RAB25: variants seen among roughly 807,000 people sequenced by gnomAD.
RAB25 encodes the protein RAB25, member RAS oncogene family.
A neutral mutation model predicts 25.2 loss-of-function variants in RAB25; 23 were observed. That is an observed-to-expected ratio of 0.91 (90% CI 0.66 to 1.29). RAB25 has a LOEUF of 1.29. Ranked by LOEUF, RAB25 falls within the 50% of genes most tolerant of loss-of-function variation. The pLI is 0.00. For missense variants in RAB25, 244 were observed against 277.3 expected (o/e 0.88, Z 0.85); for synonymous variants, 102 against 111.5 (o/e 0.91, Z 0.54).
intron 1 of RAB25, among the ~76,000 whole-genome samples, chr1:156,064,906 T>G (rs1647695902): frequency 6.6e-6 from 1 of 152,182 alleles, no homozygotes; most frequent in African/African-American, 2.4e-5. Context: ...GGTGGCCTCC[T>G]CTAATTCTGT....
intron 2 of RAB25, 199 bp downstream of exon 2, chr1:156,066,305 T>C: frequency 2.2e-6 from 1 of 446,244 alleles, no homozygotes; most frequent in Admixed American, 4.0e-5. Context: ...TGACTAGTAC[T>C]ACTAAAAGCA....
chr1:156,068,757 C>T (rs894921838), intron 3 of RAB25, among the ~76,000 whole-genome samples: 4 of 146,334 alleles, frequency 2.7e-5, no homozygotes, highest in East Asian at 2.0e-4. Context: ...GGTGCGATCT[C>T]GGCTCGCTGC....
Position 156,070,423 on chromosome 1 carries a change from C to T in RAB25, c.*136C>T, listed in dbSNP as rs1647873561. On this transcript the variant is annotated 3_prime_UTR_variant, in exon 5 of 5. Transcript: ENST00000361084. Reference sequence around the variant, plus strand: ...CACAGCACCCTCAGGGTCTTAAGGTCTTCATGCCCTATCACAAATACCTCT... The same window carrying T: ...CACAGCACCCTCAGGGTCTTAAGGTTTTCATGCCCTATCACAAATACCTCT... 1 of 1,130,268 alleles carries T rather than the reference C, an allele frequency of 8.8e-7. No homozygotes were observed. Among genetic ancestry groups the T allele is most frequent in the East Asian group, 2.5e-5 (1 of 39,490 alleles). 70.0% of individuals were successfully genotyped at this position (1,130,268 alleles called of 1,614,324 possible). A position where few individuals can be genotyped will look rare whatever the true frequency, so the allele number is the denominator to read the frequency against.
chr1:156,070,284 C>G lies in RAB25; in HGVS notation c.639C>G (p.Leu213=), dbSNP rs1056666. 6.2e-7 allele frequency: 1 copy of G among 1,613,320 alleles called. No homozygotes were observed. Among genetic ancestry groups the G allele is most frequent in the Non-Finnish European group, 8.5e-7 (1 of 1,179,532 alleles). ...AGAAGAGGGCCTGTTGCATCAGCCT[C>G]TGACCTTGGCCAGCACCACCTGCCC... is the stretch of plus-strand genomic sequence containing the variant. The part of the protein sequence containing the change: ...PGEKRACCIS[L] The change falls in exon 5 of 5, where the codon CTC becomes CTG. Residue 213 remains leucine (L), a synonymous_variant. Coordinates refer to ENST00000361084, the MANE Select transcript of RAB25 (RefSeq NM_020387.4).
At chr1:156,062,508 C>G (rs779761389) in intron 1 of RAB25, among the ~76,000 whole-genome samples, 3 of 152,142 alleles carry the variant, frequency 2.0e-5, no homozygotes, top group Admixed American at 6.5e-5. Flanking sequence ...AGCTGGGACT[C>G]TCACTCCAGA....
At chr1:156,067,470 A>G (rs912310126) in intron 2 of RAB25, among the ~76,000 whole-genome samples, 1 of 152,290 alleles carries the variant, frequency 6.6e-6, no homozygotes, top group African/African-American at 2.4e-5. Flanking sequence ...ATCCAACTCC[A>G]AGAGGGAGAC....
rs1558098802 is a variant in RAB25 at position 156,070,183 on chromosome 1, C to G, written c.538C>G (p.Gln180Glu). 1.9e-6 allele frequency: 3 copies of G among 1,614,096 alleles called. No individual in the cohort carries two copies. Among genetic ancestry groups the G allele is most frequent in the Non-Finnish European group, 2.5e-6 (3 of 1,180,004 alleles). The change falls in exon 5 of 5, where the codon CAG becomes GAG. Residue 180 changes from glutamine (Q) to glutamate (E), a missense_variant. Gln to Glu is a conservative substitution (Grantham distance 29). Transcript: ENST00000361084. ...AGAAATCTTTGCGAAGGTGTCCAAG[C>G]AGAGACAGAACAGCATCCGGACCAA... is the stretch of plus-strand genomic sequence containing the variant. The part of the protein sequence containing the change: ...LKEIFAKVSK[Q>E]RQNSIRTNAI...
At chr1:156,061,476 TGA>T (rs746725735) in intron 1 of RAB25, 33 bp downstream of exon 1, 2 of 1,606,428 alleles carry the variant, frequency 1.2e-6, no homozygotes, top group South Asian at 1.1e-5. Flanking sequence ...AGAGGAAGCC[TGA>T]GAGACCCAGA....
rs766504760 is a variant in RAB25, at chr1:156,066,003, G to A, written c.136G>A (p.Gly46Arg). The part of the protein sequence containing the change: ...EFSHDSRTTI[G>R]VEFSTRTVML... Reference sequence around the variant, plus strand: ...CAGCCACGACAGCCGCACCACCATCGGGGTTGAGTTCTCCACCCGCACTGT... The same window carrying A: ...CAGCCACGACAGCCGCACCACCATCAGGGTTGAGTTCTCCACCCGCACTGT... Residue 46 changes from glycine to arginine, a missense_variant, in exon 2 of 5, where the codon GGG becomes AGG. Coordinates refer to ENST00000361084, the MANE Select transcript of RAB25 (RefSeq NM_020387.4). 28 of 1,613,972 alleles carry A rather than the reference G, an allele frequency of 1.7e-5. No homozygotes were observed. The highest frequency in any genetic ancestry group is 2.2e-5 in the East Asian group (1 of 44,882).
intron 1 of RAB25, among the ~76,000 whole-genome samples, chr1:156,062,787 C>T (rs1277831154): frequency 2.6e-5 from 4 of 152,104 alleles, no homozygotes; most frequent in Admixed American, 6.6e-5. Context: ...GGTGCAGTGG[C>T]TCACGCCTGT....
intron 1 of RAB25, among the ~76,000 whole-genome samples, chr1:156,065,508 C>CAAT (rs1476981304): frequency 6.6e-6 from 1 of 152,140 alleles, no homozygotes; most frequent in Admixed American, 6.5e-5. Context: ...GAGACAAGTG[C>CAAT]AATGTTCTCA....
At chr1:156,066,479 A>T (rs1647747832) in intron 2 of RAB25, among the ~76,000 whole-genome samples, 1 of 152,180 alleles carries the variant, frequency 6.6e-6, no homozygotes, top group Non-Finnish European at 1.5e-5. Flanking sequence ...TGGAGCTAGG[A>T]TGGGGGCGAG....
At chr1:156,061,846 A>G (rs1358619119) in intron 1 of RAB25, among the ~76,000 whole-genome samples, 1 of 152,038 alleles carries the variant, frequency 6.6e-6, no homozygotes, top group Non-Finnish European at 1.5e-5. Context: ...GTGCAGTGGT[A>G]CAATCTCAGC....
At chr1:156,068,150 T>G in intron 2 of RAB25, 120 bp from the exon 3 acceptor site, 1 of 911,376 alleles carries the variant, frequency 1.1e-6, no homozygotes, top group South Asian at 1.7e-5. Context: ...GGCCGCAAGT[T>G]TCTGTATTTC....
At position 156,068,381 on chromosome 1, in the gene RAB25, G is replaced by C; in HGVS notation, c.351G>C (p.Thr117=). Residue 117 remains threonine, a synonymous_variant, in exon 3 of 5, where the codon ACG becomes ACC. Transcript: ENST00000361084. ...AGCTCTATGACCATGCTGAAGCCAC[G>C]ATCGTCGTCATGCTCGTGGGTAACA... ...LKELYDHAEA[T]IVVMLVGNKS... The C allele has an allele frequency of 6.2e-7, 1 of 1,614,120 alleles. No homozygotes were observed. The highest frequency in any genetic ancestry group is 8.5e-7 in the Non-Finnish European group (1 of 1,180,020).
chr1:156,069,319 T>G (rs1452618462), intron 3 of RAB25, among the ~76,000 whole-genome samples: 1 of 152,158 alleles, frequency 6.6e-6, no homozygotes, highest in Non-Finnish European at 1.5e-5. Context: ...TAGCTGGGAT[T>G]ACAGGTGCCC....
At chr1:156,063,053 A>G (rs919204775) in intron 1 of RAB25, among the ~76,000 whole-genome samples, 3 of 110,836 alleles carry the variant, frequency 2.7e-5, no homozygotes, top group Admixed American at 8.6e-5. Flanking sequence ...GACTCTGTCT[A>G]AAAAAAAAAA....
rs1299299619 is a variant in RAB25, at chr1:156,065,961, T to C, written c.94T>C (p.Phe32Leu). ...GGGGAAGACCAATCTACTCTCCCGATTCACGCGCAATGAGTTCAGCCACGA... is the reference window on the plus strand; with the variant it reads ...GGGGAAGACCAATCTACTCTCCCGACTCACGCGCAATGAGTTCAGCCACGA... Reference protein sequence around the residue: ...GVGKTNLLSRFTRNEFSHDSR... With the variant: ...GVGKTNLLSRLTRNEFSHDSR... The change falls in exon 2 of 5, where the codon TTC becomes CTC. Residue 32 changes from phenylalanine (F) to leucine (L), a missense_variant. By Grantham distance (22) the Phe-to-Leu change is conservative. Transcript: ENST00000361084. The C allele has an allele frequency of 6.2e-7, 1 of 1,613,590 alleles. No individual in the cohort carries two copies. The highest frequency in any genetic ancestry group is 8.5e-7 in the Non-Finnish European group (1 of 1,179,626).
Position 156,065,896 on chromosome 1 carries a change from T to C in RAB25, c.44-15T>C. The C allele has an allele frequency of 1.3e-6, 2 of 1,572,806 alleles. No individual in the cohort carries two copies. The highest frequency in any genetic ancestry group is 1.7e-6 in the Non-Finnish European group (2 of 1,152,968). ...CTCTACCCCATGCTCAGCCCTTATC[T>C]CTCCACTCCTTCAGTGGTGCTGATC... On this transcript the variant is annotated splice_polypyrimidine_tract_variant and intron_variant, in intron 1 of 4. Coordinates refer to ENST00000361084, the MANE Select transcript of RAB25 (RefSeq NM_020387.4).
Sources: allele counts gnomAD v4.1 joint callset (sites outside exome capture counted in the v4.1 genomes callset), GRCh38; gene constraint gnomAD v4.1.1; transcripts MANE v1.5; gene names NCBI Gene and HGNC (gene_info 2026-07-23, HGNC 2026-07-21).